The following TNIK variants were observed in gnomAD, a reference collection of about 807,000 sequenced individuals.
The protein encoded by TNIK is TRAF2 and NCK interacting kinase, also known as TRAF2 and NCK-interacting protein kinase.
TNIK carries 49 observed loss-of-function variants against 191.3 expected under a neutral mutation model. The observed-to-expected ratio is 0.26, with a 90% CI of 0.20 to 0.32. TNIK has a LOEUF of 0.32. Ranked by LOEUF, TNIK falls within the 10% of genes least tolerant of loss-of-function variation. The probability of loss-of-function intolerance (pLI) is 1.00; values close to 1 mark genes in which losing one functional copy is unlikely to be tolerated. For synonymous variants in TNIK, 594 were observed against 600.9 expected (o/e 0.99, Z 0.17); for missense variants, 1,155 against 1,702.3 (o/e 0.68, Z 5.66).
intron 2 of TNIK, among the ~76,000 whole-genome samples, chr3:171,248,332 C>G (rs894582732): frequency 2.0e-5 from 3 of 152,154 alleles, no homozygotes; most frequent in Non-Finnish European, 4.4e-5. Flanking sequence ...CAGGTACATA[C>G]ACAGTTGATT....
At chr3:171,354,082 A>G (rs1489403948) in intron 2 of TNIK, among the ~76,000 whole-genome samples, 2 of 152,170 alleles carry the variant, frequency 1.3e-5, no homozygotes, top group African/African-American at 4.8e-5. Context: ...TCTTGAACTG[A>G]TAACAATTTA....
At chr3:171,319,538 T>C (rs939875382) in intron 2 of TNIK, among the ~76,000 whole-genome samples, 1 of 152,078 alleles carries the variant, frequency 6.6e-6, no homozygotes, top group African/African-American at 2.4e-5. Flanking sequence ...CAGAGCAACA[T>C]ATTCATTGAG....
chr3:171,105,994 C>T (rs1724790119), intron 21 of TNIK, among the ~76,000 whole-genome samples: 1 of 152,192 alleles, frequency 6.6e-6, no homozygotes, highest in Non-Finnish European at 1.5e-5. Flanking sequence ...CTATAAATGC[C>T]ATCCACACAC....
chr3:171,369,091 T>C (rs1716139462), intron 2 of TNIK, among the ~76,000 whole-genome samples: 1 of 152,192 alleles, frequency 6.6e-6, no homozygotes, highest in Non-Finnish European at 1.5e-5. Flanking sequence ...AGACTTCTTA[T>C]TCCACAGCTC....
intron 10 of TNIK, among the ~76,000 whole-genome samples, chr3:171,165,608 T>G (rs1222475987): frequency 6.6e-6 from 1 of 152,000 alleles, no homozygotes; most frequent in Non-Finnish European, 1.5e-5. Flanking sequence ...GAAATGCAAA[T>G]AACAGAAAGG....
chr3:171,073,179 A>G (rs940387044), intron 28 of TNIK, among the ~76,000 whole-genome samples: 5 of 152,126 alleles, frequency 3.3e-5, no homozygotes, highest in African/African-American at 1.2e-4. Context: ...CCAAAGAAGC[A>G]TGTTACTGAT....
intron 1 of TNIK, among the ~76,000 whole-genome samples, chr3:171,428,920 C>T (rs1458493046): frequency 1.3e-5 from 2 of 152,324 alleles, no homozygotes; most frequent in Non-Finnish European, 2.9e-5. Context: ...TGAAGCTACA[C>T]TGCCAAGACC....
chr3:171,249,809 A>G (rs1577248174), intron 2 of TNIK, among the ~76,000 whole-genome samples: 2 of 152,262 alleles, frequency 1.3e-5, no homozygotes, highest in East Asian at 3.9e-4. Flanking sequence ...GTTGGAACCA[A>G]TCCAACCCAC....
Position 171,366,385 on chromosome 3 carries a change from C to T in TNIK, c.123+3235G>A, listed in dbSNP as rs1715725346. 6.6e-6 allele frequency among the ~76,000 whole-genome samples: 1 copy of T among 152,088 alleles called. No individual in the cohort carries two copies. Among genetic ancestry groups the T allele is most frequent in the African/African-American group, 2.4e-5 (1 of 41,416 alleles). On this transcript the variant is annotated intron_variant, in intron 2 of 32. Coordinates refer to ENST00000436636, the MANE Select transcript of TNIK (RefSeq NM_015028.4). The surrounding 1 kb of genome is among the most constrained non-coding windows in gnomAD (Gnocchi z 4.1). Reference sequence around the variant, plus strand: ...AAATTGGGAGTAAGACTAGAAGCAACTTTGAAAAACTAAACATTATTAAAT... The same window carrying T: ...AAATTGGGAGTAAGACTAGAAGCAATTTTGAAAAACTAAACATTATTAAAT...
chr3:171,227,689 AT>A (rs759352035), intron 3 of TNIK, among the ~76,000 whole-genome samples: 3 of 152,192 alleles, frequency 2.0e-5, no homozygotes, highest in Non-Finnish European at 4.4e-5. Context: ...GGGGAAAGAT[AT>A]TAGATATTTA....
At chr3:171,269,548 T>C (rs6806583) in intron 2 of TNIK, among the ~76,000 whole-genome samples, 16,965 of 152,254 alleles carry the variant, frequency 0.11, 1,032 homozygotes, top group Non-Finnish European at 0.12. Flanking sequence ...TTTCATTTCC[T>C]TGGATAGCTT....
chr3:171,204,010 ATG>A (rs1276932936), intron 4 of TNIK, among the ~76,000 whole-genome samples: 10 of 152,324 alleles, frequency 6.6e-5, no homozygotes, highest in African/African-American at 1.9e-4. Flanking sequence ...ACAGCAAAAT[ATG>A]TGTGAGTTCA....
chr3:171,324,361 T>C (rs542430304), intron 2 of TNIK, among the ~76,000 whole-genome samples: 18 of 152,240 alleles, frequency 1.2e-4, no homozygotes, highest in African/African-American at 3.4e-4. Context: ...GTTGACTTCA[T>C]AGAGAACTAA....
intron 12 of TNIK, among the ~76,000 whole-genome samples, chr3:171,156,304 G>A (rs1733168215): frequency 1.3e-5 from 2 of 152,120 alleles, no homozygotes; most frequent in South Asian, 2.1e-4. Context: ...TGGAACTGAG[G>A]CCCTTACTGA....
At chr3:171,285,322 C>T (rs1750892578) in intron 2 of TNIK, among the ~76,000 whole-genome samples, 1 of 152,200 alleles carries the variant, frequency 6.6e-6, no homozygotes, top group South Asian at 2.1e-4. Flanking sequence ...CTCAGCAATA[C>T]TTAGGCTGCT....
intron 7 of TNIK, among the ~76,000 whole-genome samples, chr3:171,181,834 G>A (rs115825655): frequency 0.014 from 2,070 of 152,232 alleles, 49 homozygotes; most frequent in African/African-American, 0.047. Context: ...CATAAGAAAC[G>A]TAAGTACAGA....
intron 4 of TNIK, among the ~76,000 whole-genome samples, chr3:171,210,216 G>A (rs35201076): frequency 0.05 from 7,589 of 152,240 alleles, 293 homozygotes; most frequent in Middle Eastern, 0.11. Flanking sequence ...AAGAGTGAAA[G>A]AAAAGTAGAT....
chr3:171,303,699 T>G (rs1281219318), intron 2 of TNIK, among the ~76,000 whole-genome samples: 1 of 152,142 alleles, frequency 6.6e-6, no homozygotes, highest in Non-Finnish European at 1.5e-5. Context: ...CCTTTGCATC[T>G]CCAATCTGTC....
intron 2 of TNIK, chr3:171,347,036 A>T: frequency 8.8e-7 from 1 of 1,138,552 alleles, no homozygotes; most frequent in Non-Finnish European, 1.2e-6. Context: ...TTCATATGAG[A>T]GATGTGCAAT....
Sources: allele counts gnomAD v4.1 joint callset (sites outside exome capture counted in the v4.1 genomes callset), GRCh38; gene constraint gnomAD v4.1.1; non-coding constraint Gnocchi (gnomAD v3.1); transcripts MANE v1.5; gene names NCBI Gene and HGNC (gene_info 2026-07-23, HGNC 2026-07-21).